The following DNAJC10 variants were observed in gnomAD, a reference collection of about 807,000 sequenced individuals.
DNAJC10 encodes the protein endoplasmic reticulum disulfide reductase DNAJC10.
A neutral mutation model predicts 115.0 loss-of-function variants in DNAJC10; 101 were observed. The ratio of observed to expected loss-of-function variants is 0.88; its 90% CI spans 0.75 to 1.04. DNAJC10 has a LOEUF of 1.04. Ranked by LOEUF, DNAJC10 falls within the 50% of genes least tolerant of loss-of-function variation. The pLI is 0.00. For missense variants in DNAJC10, 981 were observed against 928.8 expected (o/e 1.06, Z -0.73); for synonymous variants, 307 against 301.5 (o/e 1.02, Z -0.19).
Position 182,787,590 on chromosome 2 carries a change from G to A in DNAJC10, c.*10458G>A, listed in dbSNP as rs1694971457. 1 of 152,132 alleles carries A rather than the reference G, an allele frequency of 6.6e-6. No individual in the cohort carries two copies. Among genetic ancestry groups the A allele is most frequent in the Non-Finnish European group, 1.5e-5 (1 of 68,060 alleles). The allele number at this position is 152,132 out of a possible 1,614,324, so 9.4% of individuals were successfully genotyped here. On this transcript the variant is annotated 3_prime_UTR_variant, in exon 24 of 24. Transcript: ENST00000264065. ...GAACAAATCGAAGACATTTAATTTAGTCAAAATAGGCATGGGAATGAAAGT... is the reference window on the plus strand; with the variant it reads ...GAACAAATCGAAGACATTTAATTTAATCAAAATAGGCATGGGAATGAAAGT...
intron 11 of DNAJC10, chr2:182,739,571 C>CAGAG: frequency 8.2e-7 from 1 of 1,220,674 alleles, no homozygotes; most frequent in Non-Finnish European, 1.1e-6. Context: ...ATCAGACCAG[C>CAGAG]AGAGAGAGAG....
At chr2:182,717,894 ATTG>A (rs1286906785) in intron 2 of DNAJC10, 44 bp from the exon 3 acceptor site, 4 of 448,498 alleles carry the variant, frequency 8.9e-6, no homozygotes, top group Non-Finnish European at 1.6e-5. Context: ...TTGTGCTATT[ATTG>A]TTTAGTTCAA....
Position 182,752,184 on chromosome 2 carries a change from A to C in DNAJC10, c.1547A>C (p.Asn516Thr). The C allele has an allele frequency of 2.7e-6, 4 of 1,493,708 alleles. No individual in the cohort carries two copies. The highest frequency in any genetic ancestry group is 3.6e-6 in the Non-Finnish European group (4 of 1,100,856). 92.5% of individuals were successfully genotyped at this position (1,493,708 alleles called of 1,614,324 possible). Reference protein sequence around the residue: ...LDCTVHEGLCNMYNIQAYPTT... With the variant: ...LDCTVHEGLCTMYNIQAYPTT... Reference sequence around the variant, plus strand: ...TGTACAGTTCATGAGGGACTCTGTAACATGGTAAGGCAAAGTATCAAAAAT... The same window carrying C: ...TGTACAGTTCATGAGGGACTCTGTACCATGGTAAGGCAAAGTATCAAAAAT... The change falls in exon 16 of 24, where the codon AAC becomes ACC. Residue 516 changes from asparagine to threonine, a missense_variant. Coordinates refer to ENST00000264065, the MANE Select transcript of DNAJC10 (RefSeq NM_018981.4).
intron 13 of DNAJC10, among the ~76,000 whole-genome samples, chr2:182,742,182 G>C (rs938347551): frequency 6.6e-6 from 1 of 151,860 alleles, no homozygotes; most frequent in African/African-American, 2.4e-5. Flanking sequence ...TTTAATATGG[G>C]AAATTTTCTT....
At chr2:182,741,923 T>C (rs1217395849) in intron 13 of DNAJC10, among the ~76,000 whole-genome samples, 2 of 152,104 alleles carry the variant, frequency 1.3e-5, no homozygotes, top group Admixed American at 1.3e-4. Flanking sequence ...ATGGATTCAC[T>C]GTATGCTTTT....
Position 182,778,657 on chromosome 2 carries a change from C to A in DNAJC10, c.*1525C>A, listed in dbSNP as rs1358864811. 1.3e-5 allele frequency: 2 copies of A among 152,126 alleles called. No individual in the cohort carries two copies. The highest frequency in any genetic ancestry group is 2.4e-5 in the African/African-American group (1 of 41,428). The allele number at this position is 152,126 out of a possible 1,614,324, so 9.4% of individuals were successfully genotyped here. A position where few individuals can be genotyped will look rare whatever the true frequency, so the allele number is the denominator to read the frequency against. ...AAATAGACTTTGTTCTTCATATTCT[C>A]CCATCTTTTTCGCTACTATATACTC... On this transcript the variant is annotated 3_prime_UTR_variant, in exon 24 of 24. Coordinates refer to ENST00000264065, the MANE Select transcript of DNAJC10 (RefSeq NM_018981.4).
At chr2:182,724,157 G>A (rs1693224347) in intron 5 of DNAJC10, among the ~76,000 whole-genome samples, 1 of 151,940 alleles carries the variant, frequency 6.6e-6, no homozygotes, top group African/African-American at 2.4e-5. Flanking sequence ...AGGATTGCGG[G>A]GATTAAATTT....
At chr2:182,735,666 CTATT>C (rs1693564636) in intron 10 of DNAJC10, among the ~76,000 whole-genome samples, 1 of 152,052 alleles carries the variant, frequency 6.6e-6, no homozygotes, top group African/African-American at 2.4e-5. Context: ...TGTTAGAACT[CTATT>C]TGTTTACTAA....
intron 16 of DNAJC10, among the ~76,000 whole-genome samples, chr2:182,753,333 A>T (rs1694072360): frequency 6.6e-6 from 1 of 152,114 alleles, no homozygotes; most frequent in African/African-American, 2.4e-5. Flanking sequence ...GATAAAGGGA[A>T]AAAAGAAATG....
At chr2:182,729,809 AAAAGT>A in intron 7 of DNAJC10, 34 bp from the exon 8 acceptor site, 1 of 1,377,292 alleles carries the variant, frequency 7.3e-7, no homozygotes, top group Non-Finnish European at 1.0e-6. Flanking sequence ...TTTAAAAAGA[AAAAGT>A]AAAAGATGTT....
At chr2:182,718,533 A>G (rs763525643) in intron 3 of DNAJC10, among the ~76,000 whole-genome samples, 18 of 152,356 alleles carry the variant, frequency 1.2e-4, no homozygotes, top group Admixed American at 2.6e-4. Flanking sequence ...CAATTCTATT[A>G]AAGACATTAA....
intron 16 of DNAJC10, among the ~76,000 whole-genome samples, chr2:182,753,675 C>G (rs930281098): frequency 6.6e-6 from 1 of 150,928 alleles, no homozygotes; most frequent in South Asian, 2.1e-4. Context: ...CTCCACCCCC[C>G]GGGTTCATGC....
intron 22 of DNAJC10, among the ~76,000 whole-genome samples, chr2:182,764,306 G>T (rs976580793): frequency 2.0e-5 from 3 of 152,080 alleles, no homozygotes; most frequent in African/African-American, 7.2e-5. Flanking sequence ...TATACCATGT[G>T]GCTTATCACT....
In DNAJC10 at chr2:182,792,274, A is replaced by T. The variant is rs187538535; in HGVS notation, c.*15142A>T. ...GAATTAAATGCACTATCTGAAGTCT[A>T]TGTTTATTAAATGAGGATTACAGTA... On this transcript the variant is annotated 3_prime_UTR_variant, in exon 24 of 24. Coordinates refer to ENST00000264065, the MANE Select transcript of DNAJC10 (RefSeq NM_018981.4). 6.6e-6 allele frequency: 1 copy of T among 152,182 alleles called. No individual in the cohort carries two copies. The highest frequency in any genetic ancestry group is 6.5e-5 in the Admixed American group (1 of 15,278). The allele number at this position is 152,182 out of a possible 1,614,324, so 9.4% of individuals were successfully genotyped here.
chr2:182,784,708 A>C lies in DNAJC10; in HGVS notation c.*7576A>C, dbSNP rs138265095. ...GTTGATATTATAGTAACCCTTTTAG[A>C]TGTTAGTAACTTTTATTGTAAAATT... On this transcript the variant is annotated 3_prime_UTR_variant, in exon 24 of 24. Transcript: ENST00000264065. 2 of 152,254 alleles carry C rather than the reference A, an allele frequency of 1.3e-5. 1 individual carries two copies. Among genetic ancestry groups the C allele is most frequent in the East Asian group, 3.9e-4 (2 of 5,184 alleles). The allele number at this position is 152,254 out of a possible 1,614,324, so 9.4% of individuals were successfully genotyped here.
chr2:182,758,993 TTTAAA>T, intron 20 of DNAJC10, 103 bp downstream of exon 20: 1 of 1,106,324 alleles, frequency 9.0e-7, no homozygotes, highest in Non-Finnish European at 1.3e-6. Flanking sequence ...GTTCTAGCAT[TTTAAA>T]TTACTTAGTA....
chr2:182,757,084 G>GA (rs956981379), intron 18 of DNAJC10, among the ~76,000 whole-genome samples: 3 of 151,336 alleles, frequency 2.0e-5, no homozygotes, highest in Admixed American at 2.0e-4. Context: ...TTAAAAGTAA[G>GA]AAAAAAAAGC....
At position 182,781,512 on chromosome 2, in the gene DNAJC10, A is replaced by G. The variant is rs543868272; in HGVS notation, c.*4380A>G. The G allele has an allele frequency of 9.2e-5, 14 of 152,204 alleles. 1 individual carries two copies. The highest frequency in any genetic ancestry group is 3.4e-4 in the African/African-American group (14 of 41,522). The allele number at this position is 152,204 out of a possible 1,614,324, so 9.4% of individuals were successfully genotyped here. A position where few individuals can be genotyped will look rare whatever the true frequency, so the allele number is the denominator to read the frequency against. On this transcript the variant is annotated 3_prime_UTR_variant, in exon 24 of 24. Transcript: ENST00000264065. ...GATTGCTGGGTCAAATGGTATTTCT[A>G]TTTCTAGATCCTTGAGGAATCGCCA... is the stretch of plus-strand genomic sequence containing the variant.
intron 14 of DNAJC10, among the ~76,000 whole-genome samples, chr2:182,744,221 C>G (rs1291380461): frequency 6.6e-6 from 1 of 152,170 alleles, no homozygotes; most frequent in Non-Finnish European, 1.5e-5. Context: ...ACAGCAGAGT[C>G]CTTGTCCTGA....
Sources: allele counts gnomAD v4.1 joint callset (sites outside exome capture counted in the v4.1 genomes callset), GRCh38; gene constraint gnomAD v4.1.1; transcripts MANE v1.5; gene names NCBI Gene and HGNC (gene_info 2026-07-23, HGNC 2026-07-21).